CELF2: variants seen among roughly 807,000 people sequenced by gnomAD.
The protein encoded by CELF2 is CUG triplet repeat RNA-binding protein 2.
CELF2 carries 8 observed loss-of-function variants against 62.6 expected under a neutral mutation model. The observed-to-expected ratio is 0.13, with a 90% CI of 0.07 to 0.23. CELF2 has a LOEUF of 0.23. Among genes scored for constraint, CELF2 ranks in the 10% least tolerant of loss-of-function variants. CELF2 has a pLI of 1.00. For synonymous variants in CELF2, 258 were observed against 250.0 expected (o/e 1.03, Z -0.30); for missense variants, 333 against 671.0 (o/e 0.50, Z 5.56).
chr10:10,483,640 A>T, the CELF2 span, among the ~76,000 whole-genome samples: 1 of 152,158 alleles, frequency 6.6e-6, no homozygotes, highest in Non-Finnish European at 1.5e-5. Flanking sequence ...TTAGCAGTGA[A>T]ATAAAGACAG....
chr10:10,677,362 A>G, the CELF2 span, among the ~76,000 whole-genome samples: 1 of 152,226 alleles, frequency 6.6e-6, no homozygotes, highest in Non-Finnish European at 1.5e-5. Flanking sequence ...GTGATAGCAG[A>G]AACCAACTGC....
intron 1 of CELF2, among the ~76,000 whole-genome samples, chr10:10,857,870 G>A (rs61832100): frequency 5.9e-5 from 9 of 151,358 alleles, no homozygotes; most frequent in African/African-American, 1.9e-4. Context: ...AACACACAAT[G>A]AAGTAACAGA....
rs142015652 is a variant in CELF2, at chr10:11,227,467, A to G, written c.354+9960A>G. 1.3e-5 allele frequency among the ~76,000 whole-genome samples: 2 copies of G among 152,360 alleles called. No individual in the cohort carries two copies. The highest frequency in any genetic ancestry group is 4.8e-5 in the African/African-American group (2 of 41,586). ...GTCAAGGCAAAGGAGGATGGGTGCC[A>G]GGGGTGCCTCTGCATGAAGTGCTGG... On this transcript the variant is annotated intron_variant, in intron 3 of 12. Coordinates refer to ENST00000633077, the MANE Select transcript of CELF2 (RefSeq NM_001326342.2). The surrounding 1 kb of genome is among the most constrained non-coding windows in gnomAD (Gnocchi z 4.8).
rs920619416 is a variant in CELF2 at position 10,947,066 on chromosome 10, A to G, written c.89+27067A>G. ...CAGTGGTGTTTTCCATTGCATAGGC[A>G]TCTTTAGAATGTGCAGTGCATGTCA... On this transcript the variant is annotated intron_variant, in intron 2 of 13. Transcript: ENST00000636488. This position sits in a 1 kb window ranked among gnomAD's most constrained non-coding sequence, Gnocchi z 4.1. The G allele has an allele frequency of 6.6e-6, 1 of 152,246 alleles. No homozygotes were observed. 9.4% of individuals were successfully genotyped at this position (152,246 alleles called of 1,614,324 possible).
In CELF2 at chr10:10,855,378, A is replaced by G. The variant is rs567824892; in HGVS notation, c.53+56561A>G. On this transcript the variant is annotated intron_variant, in intron 1 of 13. Transcript: ENST00000636488. ...CTTCCTGCAGCTGACATGTGTACAC[A>G]CAACAGTGAGGCCCAGCCTGCACGT... 6.0e-3 allele frequency among the ~76,000 whole-genome samples: 920 copies of G among 152,340 alleles called. 23 individuals are homozygous for G. Among genetic ancestry groups the G allele is most frequent in the Middle Eastern group, 6.8e-3 (2 of 294 alleles).
intron 1 of CELF2, among the ~76,000 whole-genome samples, chr10:11,038,517 C>T (rs1210016678): frequency 1.3e-5 from 2 of 152,138 alleles, no homozygotes; most frequent in African/African-American, 4.8e-5. Flanking sequence ...GATTACTCTT[C>T]TACCAAAGTA....
At chr10:10,660,054 A>G in the CELF2 span, among the ~76,000 whole-genome samples, 1 of 152,216 alleles carries the variant, frequency 6.6e-6, no homozygotes, top group Non-Finnish European at 1.5e-5. Flanking sequence ...GAAAGGGGCC[A>G]TGAGCCAAGG....
At position 10,936,091 on chromosome 10, in the gene CELF2, G is replaced by A. The variant is rs891190778; in HGVS notation, c.89+16092G>A. Reference sequence around the variant, plus strand: ...GCAAGAGAATCGCTTAAACCCTGGAGGCAGAGGTTGCAGTAAGCCAAGATT... The same window carrying A: ...GCAAGAGAATCGCTTAAACCCTGGAAGCAGAGGTTGCAGTAAGCCAAGATT... On this transcript the variant is annotated intron_variant, in intron 2 of 13. Transcript: ENST00000636488. The surrounding 1 kb of genome is among the most constrained non-coding windows in gnomAD (Gnocchi z 4.0). Among the ~76,000 whole-genome samples, 2 of 152,066 alleles carry A rather than the reference G, an allele frequency of 1.3e-5. No homozygotes were observed. The highest frequency in any genetic ancestry group is 2.4e-5 in the African/African-American group (1 of 41,376).
intron 8 of CELF2, among the ~76,000 whole-genome samples, chr10:11,283,508 A>G (rs950819388): frequency 3.3e-5 from 5 of 151,008 alleles, no homozygotes; most frequent in African/African-American, 7.3e-5. Flanking sequence ...GAGTGGGTGG[A>G]TAATGGATGG....
At position 10,946,204 on chromosome 10, in the gene CELF2, A is replaced by C. The variant is rs536355274; in HGVS notation, c.89+26205A>C. ...TTATGGCCTCTGGCTCATAATGGGA[A>C]GATAATATAGGCTGGGAGAGATTTA... On this transcript the variant is annotated intron_variant, in intron 2 of 13. Transcript: ENST00000636488. 2.6e-5 allele frequency: 4 copies of C among 152,720 alleles called. No homozygotes were observed. The East Asian group carries it at 7.7e-4, about 29-fold the overall frequency. The allele number at this position is 152,720 out of a possible 1,614,324, so 9.5% of individuals were successfully genotyped here.
chr10:11,051,814 A>G (rs1361917982), intron 1 of CELF2, among the ~76,000 whole-genome samples: 1 of 152,158 alleles, frequency 6.6e-6, no homozygotes, highest in East Asian at 1.9e-4. Flanking sequence ...CCCACTATGT[A>G]GGATTAACCA....
chr10:10,583,479 A>T, the CELF2 span, among the ~76,000 whole-genome samples: 1 of 152,056 alleles, frequency 6.6e-6, no homozygotes, highest in Non-Finnish European at 1.5e-5. Context: ...AAGCTTCAAA[A>T]CCATTTTAAT....
the CELF2 span, among the ~76,000 whole-genome samples, chr10:10,644,603 TG>T: frequency 6.6e-6 from 1 of 152,166 alleles, no homozygotes; most frequent in Non-Finnish European, 1.5e-5. Flanking sequence ...TCCATGATTT[TG>T]TCTGAGGCAG....
chr10:11,023,745 C>T (rs946190024), intron 1 of CELF2, among the ~76,000 whole-genome samples: 12 of 152,206 alleles, frequency 7.9e-5, no homozygotes, highest in African/African-American at 2.7e-4. Context: ...AGTTATGTGG[C>T]TGAAATGCCT....
rs2083561302 is a variant in CELF2 at position 11,270,918 on chromosome 10, C to T, written c.777+94C>T. On this transcript the variant is annotated intron_variant, in intron 7 of 12. Coordinates refer to ENST00000633077, the MANE Select transcript of CELF2 (RefSeq NM_001326342.2). The surrounding 1 kb of genome is among the most constrained non-coding windows in gnomAD (Gnocchi z 5.8). ...TACGCTGAGGCATTTGTTTTCAGTA[C>T]ATTTTCAATCTCGGGGAATTATTGA... The T allele has an allele frequency of 8.8e-6, 10 of 1,134,684 alleles. No individual in the cohort carries two copies. The highest frequency in any genetic ancestry group is 1.0e-5 in the Non-Finnish European group (9 of 857,870). 70.3% of individuals were successfully genotyped at this position (1,134,684 alleles called of 1,614,324 possible).
intron 3 of CELF2, among the ~76,000 whole-genome samples, chr10:11,238,037 T>A (rs2072208302): frequency 6.6e-6 from 1 of 152,198 alleles, no homozygotes; most frequent in Admixed American, 6.5e-5. Flanking sequence ...GTATTTTGCA[T>A]TGCTCAGTTG....
At chr10:10,889,584 C>A (rs899577906) in intron 1 of CELF2, among the ~76,000 whole-genome samples, 1 of 152,186 alleles carries the variant, frequency 6.6e-6, no homozygotes, top group African/African-American at 2.4e-5. Flanking sequence ...CTCAAAAGAC[C>A]TCCAGCCGTC....
chr10:10,749,795 T>A, the CELF2 span, among the ~76,000 whole-genome samples: 2 of 152,226 alleles, frequency 1.3e-5, no homozygotes, highest in Non-Finnish European at 2.9e-5. Flanking sequence ...TGATTTAAGG[T>A]AATTTTCATA....
chr10:10,843,260 T>A (rs1389729728), intron 1 of CELF2, among the ~76,000 whole-genome samples: 1 of 151,988 alleles, frequency 6.6e-6, no homozygotes, highest in Non-Finnish European at 1.5e-5. Context: ...TGGCTTTTTG[T>A]TTTATTGATT....
Sources: allele counts gnomAD v4.1 joint callset (sites outside exome capture counted in the v4.1 genomes callset), GRCh38; gene constraint gnomAD v4.1.1; non-coding constraint Gnocchi (gnomAD v3.1); transcripts MANE v1.5; gene names NCBI Gene and HGNC (gene_info 2026-07-23, HGNC 2026-07-21).